SLC38A4: variants seen among roughly 807,000 people sequenced by gnomAD.
SLC38A4 encodes sodium-coupled neutral amino acid transporter 4.
A neutral mutation model predicts 63.1 loss-of-function variants in SLC38A4; 20 were observed. The observed-to-expected ratio is 0.32, with a 90% CI of 0.22 to 0.46. The LOEUF (loss-of-function observed/expected upper bound fraction) is 0.46. SLC38A4 is among the 20% of genes least tolerant of loss of function. The pLI is 1.00. For synonymous variants in SLC38A4, 230 were observed against 225.5 expected, an observed-to-expected ratio of 1.02 and a Z score of -0.18; for missense variants, 526 against 663.6, an observed-to-expected ratio of 0.79 and a Z score of 2.28.
intron 3 of SLC38A4, among the ~76,000 whole-genome samples, chr12:46,789,641 T>A (rs1033940867): frequency 5.3e-5 from 8 of 152,208 alleles, no homozygotes; most frequent in African/African-American, 1.7e-4. Flanking sequence ...TGTCACAGAC[T>A]TTTTAGTTGT....
chr12:46,785,738 CTTTTTTTTTTTTT>C (rs11335369), intron 5 of SLC38A4, among the ~76,000 whole-genome samples: 2 of 66,900 alleles, frequency 3.0e-5, no homozygotes, highest in East Asian at 8.2e-4. Flanking sequence ...ACGAAAATTC[CTTTTTTTTTTTTT>C]TTTTTTTTTT....
At chr12:46,770,271 T>C (rs1320640577) in intron 14 of SLC38A4, among the ~76,000 whole-genome samples, 1 of 151,862 alleles carries the variant, frequency 6.6e-6, no homozygotes, top group Non-Finnish European at 1.5e-5. Context: ...TTCCTTAATT[T>C]TGCATGGTAT....
chr12:46,791,716 C>T (rs1938892419), intron 3 of SLC38A4, among the ~76,000 whole-genome samples: 1 of 152,124 alleles, frequency 6.6e-6, no homozygotes, highest in African/African-American at 2.4e-5. Flanking sequence ...CCACAGAGGC[C>T]ATTAACCTGT....
At chr12:46,823,616 C>T (rs1939591800) in intron 1 of SLC38A4, among the ~76,000 whole-genome samples, 1 of 152,236 alleles carries the variant, frequency 6.6e-6, no homozygotes. Flanking sequence ...CAAGTCTAGT[C>T]AGGGCTCCAG....
chr12:46,768,170 G>T, intron 16 of SLC38A4, 140 bp downstream of exon 16: 1 of 567,254 alleles, frequency 1.8e-6, no homozygotes, highest in Non-Finnish European at 3.1e-6. Flanking sequence ...CCCTTTCTCT[G>T]CTACCAGAAA....
At chr12:46,823,781 T>A (rs942194377) in intron 1 of SLC38A4, among the ~76,000 whole-genome samples, 1 of 152,212 alleles carries the variant, frequency 6.6e-6, no homozygotes, top group African/African-American at 2.4e-5. Context: ...CTTCAATGGG[T>A]ACGGGCTGAA....
intron 1 of SLC38A4, among the ~76,000 whole-genome samples, chr12:46,816,969 A>G (rs1939452577): frequency 6.6e-6 from 1 of 151,836 alleles, no homozygotes; most frequent in Non-Finnish European, 1.5e-5. Flanking sequence ...CCTCTTACCC[A>G]GTTGAGGGAA....
chr12:46,822,117 G>A (rs1418158633), intron 1 of SLC38A4, among the ~76,000 whole-genome samples: 1 of 152,038 alleles, frequency 6.6e-6, no homozygotes, highest in Non-Finnish European at 1.5e-5. Context: ...TGAAATGTAT[G>A]CATATGAAAT....
intron 3 of SLC38A4, among the ~76,000 whole-genome samples, chr12:46,792,337 A>G (rs890452235): frequency 1.3e-5 from 2 of 152,106 alleles, no homozygotes; most frequent in Non-Finnish European, 2.9e-5. Context: ...GGGGCTTTTG[A>G]GTGAGTTGCT....
At chr12:46,802,139 T>C (rs1182309655) in intron 2 of SLC38A4, among the ~76,000 whole-genome samples, 1 of 152,064 alleles carries the variant, frequency 6.6e-6, no homozygotes, top group Non-Finnish European at 1.5e-5. Context: ...GAATATGCGA[T>C]TTTGTTTACA....
rs189669525 is a variant in SLC38A4 at position 46,778,619 on chromosome 12, C to T, written c.875G>A (p.Arg292His). The change falls in exon 11 of 17, where the codon CGC (arginine) becomes CAC (histidine). Residue 292 changes from arginine (R) to histidine (H), a missense_variant. Coordinates refer to ENST00000266579, the MANE Select transcript of SLC38A4 (RefSeq NM_018018.5). ...GTTCTCATCCAGCCCTGCAGGATTG[C>T]GGTGGGTGTAATCCATCATGAAGTT... is the stretch of plus-strand genomic sequence containing the variant. ...DVNFMMDYTH[R>H]NPAGLDENQA... 14 of 1,612,986 alleles carry T rather than the reference C, an allele frequency of 8.7e-6. No individual in the cohort carries two copies. The highest frequency in any genetic ancestry group is 4.0e-5 in the African/African-American group (3 of 74,928).
chr12:46,773,026 T>C (rs1789123589), intron 14 of SLC38A4, among the ~76,000 whole-genome samples: 1 of 152,070 alleles, frequency 6.6e-6, no homozygotes, highest in Admixed American at 6.6e-5. Context: ...ACAACTTTTA[T>C]CATTTTAGTA....
At chr12:46,796,380 G>C (rs1451901562) in intron 2 of SLC38A4, among the ~76,000 whole-genome samples, 1 of 152,074 alleles carries the variant, frequency 6.6e-6, no homozygotes, top group Non-Finnish European at 1.5e-5. Context: ...TAGTTATTCT[G>C]TTTGTTCCCT....
At chr12:46,767,582 A>G (rs1181762602) in intron 16 of SLC38A4, among the ~76,000 whole-genome samples, 2 of 152,086 alleles carry the variant, frequency 1.3e-5, no homozygotes, top group African/African-American at 2.4e-5. Flanking sequence ...ACCTTTTGAT[A>G]CCAAATTATC....
At chr12:46,829,730 T>G (rs1939705097), upstream of SLC38A4, among the ~76,000 whole-genome samples, 1 of 152,210 alleles carries the variant, frequency 6.6e-6, no homozygotes, top group South Asian at 2.1e-4. Flanking sequence ...AGGATTAGTC[T>G]GTAATAGAAT....
intron 2 of SLC38A4, among the ~76,000 whole-genome samples, chr12:46,795,444 T>A (rs913594863): frequency 8.5e-5 from 13 of 152,098 alleles, no homozygotes; most frequent in Non-Finnish European, 1.8e-4. Context: ...AAGTGAAATA[T>A]AATTCTATAT....
intron 5 of SLC38A4, among the ~76,000 whole-genome samples, chr12:46,785,720 G>A (rs145588089): frequency 6.5e-4 from 96 of 148,706 alleles, no homozygotes; most frequent in South Asian, 3.9e-3. Context: ...GAAAGCTAAG[G>A]ATGGGGCACG....
chr12:46,792,891 G>C (rs1938919589), intron 3 of SLC38A4, 62 bp downstream of exon 3: 2 of 1,238,720 alleles, frequency 1.6e-6, no homozygotes, highest in East Asian at 4.7e-5. Context: ...TCAAGACCCT[G>C]TTTTCCATGT....
At chr12:46,821,070 C>A (rs1592198394) in intron 1 of SLC38A4, among the ~76,000 whole-genome samples, 1 of 151,984 alleles carries the variant, frequency 6.6e-6, no homozygotes, top group African/African-American at 2.4e-5. Context: ...TTAATTTCAT[C>A]AGATACATGG....
Sources: allele counts gnomAD v4.1 joint callset (sites outside exome capture counted in the v4.1 genomes callset), GRCh38; gene constraint gnomAD v4.1.1; transcripts MANE v1.5; gene names NCBI Gene and HGNC (gene_info 2026-07-23, HGNC 2026-07-21).